MAGI2: variants seen among roughly 807,000 people sequenced by gnomAD.
The protein encoded by MAGI2 is membrane associated guanylate kinase, WW and PDZ domain containing 2, also known as membrane-associated guanylate kinase, WW and PDZ domain-containing protein 2.
In MAGI2, 35 loss-of-function variants were observed where a neutral mutation model predicts 133.3. The ratio of observed to expected loss-of-function variants is 0.26; its 90% CI spans 0.20 to 0.35. MAGI2 has a LOEUF of 0.35. MAGI2 is among the 10% of genes least tolerant of loss of function. The probability of loss-of-function intolerance (pLI) is 1.00; values close to 1 mark genes in which losing one functional copy is unlikely to be tolerated. For synonymous variants in MAGI2, 729 were observed against 710.6 expected, an observed-to-expected ratio of 1.03 and a Z score of -0.41; for missense variants, 1,636 against 1,863.4, an observed-to-expected ratio of 0.88 and a Z score of 2.25.
At chr7:79,125,261 A>G in intron 1 of MAGI2, 2 of 447,886 alleles carry the variant, frequency 4.5e-6, no homozygotes, top group Non-Finnish European at 8.6e-6. Flanking sequence ...ACAACTGTGA[A>G]GTAAGGAAAG....
At chr7:78,544,842 AT>A (rs557115266) in intron 3 of MAGI2, among the ~76,000 whole-genome samples, 36 of 152,190 alleles carry the variant, frequency 2.4e-4, no homozygotes, top group African/African-American at 8.4e-4. Flanking sequence ...CTCAAAAAAA[AT>A]AAAAATAAAA....
intron 14 of MAGI2, 64 bp from the exon 15 acceptor site, chr7:78,168,172 T>C (rs1825798801): frequency 1.7e-5 from 23 of 1,327,866 alleles, no homozygotes; most frequent in South Asian, 8.0e-5. Context: ...TTTTTTTTTT[T>C]CGAAACAGAG....
intron 6 of MAGI2, among the ~76,000 whole-genome samples, chr7:78,455,805 AT>A (rs903539356): frequency 7.4e-4 from 112 of 151,788 alleles, no homozygotes; most frequent in African/African-American, 2.4e-3. Context: ...CTGTTTAATT[AT>A]TTTTTTTCGT....
intron 2 of MAGI2, among the ~76,000 whole-genome samples, chr7:78,810,080 C>T (rs1348138156): frequency 6.6e-6 from 1 of 152,054 alleles, no homozygotes; most frequent in African/African-American, 2.4e-5. Context: ...ATGTAAGAAA[C>T]ATCTTTAGGT....
intron 1 of MAGI2, among the ~76,000 whole-genome samples, chr7:79,118,630 A>G (rs1819610528): frequency 1.3e-5 from 2 of 152,290 alleles, no homozygotes; most frequent in South Asian, 4.1e-4. Context: ...CTGTTTATAT[A>G]ACATTCCAAA....
intron 6 of MAGI2, among the ~76,000 whole-genome samples, chr7:78,371,945 T>A (rs1793958738): frequency 6.6e-6 from 1 of 152,106 alleles, no homozygotes; most frequent in African/African-American, 2.4e-5. Flanking sequence ...ATTTGTTTCA[T>A]TTTAAATATT....
intron 13 of MAGI2, among the ~76,000 whole-genome samples, chr7:78,181,066 T>C (rs1203335877): frequency 6.6e-6 from 1 of 152,072 alleles, no homozygotes; most frequent in Admixed American, 6.5e-5. Context: ...ACATCATTCT[T>C]TTTCCTTCCT....
At chr7:79,324,407 C>CAA (rs1215365609) in intron 1 of MAGI2, among the ~76,000 whole-genome samples, 2 of 134,638 alleles carry the variant, frequency 1.5e-5, no homozygotes, top group African/African-American at 2.7e-5. Context: ...TATATACACA[C>CAA]AACGTATCTA....
In MAGI2 at chr7:79,171,743, A is replaced by ATATATATATATAT. The variant is rs1554394140; in HGVS notation, c.302-164538_302-164537insATATATATATATA. On this transcript the variant is annotated intron_variant, in intron 1 of 21. Coordinates refer to ENST00000354212, the MANE Select transcript of MAGI2 (RefSeq NM_012301.4). ...AAAATTAAGCAAGACAATAGCCAAA[A>ATATATATATATAT]ATATATATATATATATATATATATA... Among the ~76,000 whole-genome samples the ATATATATATATAT allele has an allele frequency of 8.6e-3, 254 of 29,446 alleles. 90 individuals are homozygous for ATATATATATATAT. The highest frequency in any genetic ancestry group is 0.021 in the Non-Finnish European group (165 of 7,922). 19.3% of individuals were successfully genotyped at this position (29,446 alleles called of 152,430 possible).
rs534034947 is a variant in MAGI2, at chr7:79,292,674, G to A, written c.301+160346C>T. 2.8e-5 allele frequency among the ~76,000 whole-genome samples: 4 copies of A among 144,178 alleles called. No homozygotes were observed. In the East Asian group the frequency reaches 8.2e-4, roughly 30 times the overall value. 94.6% of individuals were successfully genotyped at this position (144,178 alleles called of 152,430 possible). A position where few individuals can be genotyped will look rare whatever the true frequency, so the allele number is the denominator to read the frequency against. ...AAAAAAAAAGTTTTAAAATTGGGAG[G>A]TACCCTCTATCTTTGTTCTTTTTCA... On this transcript the variant is annotated intron_variant, in intron 1 of 21. Transcript: ENST00000354212.
At chr7:78,895,356 CCA>C (rs1797121814) in intron 2 of MAGI2, among the ~76,000 whole-genome samples, 1 of 152,032 alleles carries the variant, frequency 6.6e-6, no homozygotes, top group Admixed American at 6.6e-5. Context: ...TATAAATTAC[CCA>C]GTCTCAGGTA....
intron 3 of MAGI2, among the ~76,000 whole-genome samples, chr7:78,598,259 C>A (rs530649255): frequency 1.3e-5 from 2 of 152,106 alleles, no homozygotes; most frequent in East Asian, 3.9e-4. Context: ...TGAAAACTTG[C>A]AATAAAGTGT....
rs562476997 is a variant in MAGI2 at position 78,097,037 on chromosome 7, A to G, written c.3568-17952T>C. Among the ~76,000 whole-genome samples the G allele has an allele frequency of 8.5e-5, 13 of 152,314 alleles. No homozygotes were observed. In the East Asian group the frequency reaches 2.5e-3, roughly 29 times the overall value. On this transcript the variant is annotated intron_variant, in intron 20 of 21. Coordinates refer to ENST00000354212, the MANE Select transcript of MAGI2 (RefSeq NM_012301.4). Reference sequence around the variant, plus strand: ...AGACACTTTGCAAAAGAAGACACACATGTGCCCAACAAGCATATGAAAAAA... The same window carrying G: ...AGACACTTTGCAAAAGAAGACACACGTGTGCCCAACAAGCATATGAAAAAA...
intron 2 of MAGI2, among the ~76,000 whole-genome samples, chr7:78,918,765 T>C (rs538912441): frequency 1.3e-5 from 2 of 152,272 alleles, no homozygotes; most frequent in African/African-American, 2.4e-5. Context: ...ATTATTTTTG[T>C]CTTCAAAGTC....
chr7:78,688,169 A>G (rs907203522), intron 2 of MAGI2, among the ~76,000 whole-genome samples: 1 of 152,070 alleles, frequency 6.6e-6, no homozygotes, highest in African/African-American at 2.4e-5. Flanking sequence ...GTCTAGCCTC[A>G]TTTTACAAAG....
intron 4 of MAGI2, among the ~76,000 whole-genome samples, chr7:78,511,890 T>C (rs1226107055): frequency 6.6e-6 from 1 of 150,792 alleles, no homozygotes; most frequent in African/African-American, 2.4e-5. Context: ...AGTCAGGAGA[T>C]CGAGACCAGA....
At chr7:78,415,627 G>T (rs1381755035) in intron 6 of MAGI2, among the ~76,000 whole-genome samples, 1 of 152,028 alleles carries the variant, frequency 6.6e-6, no homozygotes, top group Non-Finnish European at 1.5e-5. Context: ...GGCATTTCTG[G>T]CAAGTGTCTC....
At chr7:79,387,591 A>G (rs1295105468) in intron 1 of MAGI2, among the ~76,000 whole-genome samples, 2 of 152,074 alleles carry the variant, frequency 1.3e-5, no homozygotes, top group Admixed American at 1.3e-4. Flanking sequence ...TGGTATTCCA[A>G]TTTTGTTATT....
At chr7:79,088,546 G>T (rs1816744415) in intron 1 of MAGI2, among the ~76,000 whole-genome samples, 1 of 152,072 alleles carries the variant, frequency 6.6e-6, no homozygotes, top group Non-Finnish European at 1.5e-5. Context: ...CCAATAATAT[G>T]TTGAATAGGA....
Sources: allele counts gnomAD v4.1 joint callset (sites outside exome capture counted in the v4.1 genomes callset), GRCh38; gene constraint gnomAD v4.1.1; transcripts MANE v1.5; gene names NCBI Gene and HGNC (gene_info 2026-07-23, HGNC 2026-07-21).